The following LRRC4C variants were observed in gnomAD, a reference collection of about 807,000 sequenced individuals.
LRRC4C encodes leucine rich repeat containing 4C, also known as leucine-rich repeat-containing protein 4C.
In LRRC4C, 5 loss-of-function variants were observed where a neutral mutation model predicts 33.6. That is an observed-to-expected ratio of 0.15 (90% CI 0.08 to 0.31). The LOEUF (loss-of-function observed/expected upper bound fraction) is 0.31, where lower values mean the gene tolerates loss of function less well. LRRC4C is among the 10% of genes least tolerant of loss of function. The pLI, the probability that LRRC4C is intolerant of heterozygous loss-of-function variation, is 1.00. For missense variants in LRRC4C, 560 were observed against 796.7 expected, an observed-to-expected ratio of 0.70 and a Z score of 3.58; for synonymous variants, 329 against 302.0, an observed-to-expected ratio of 1.09 and a Z score of -0.93.
In LRRC4C at chr11:41,331,835, A is replaced by G. The variant is rs145079395; in HGVS notation, c.-496+127596T>C. Among the ~76,000 whole-genome samples, 6 of 152,312 alleles carry G rather than the reference A, an allele frequency of 3.9e-5. No homozygotes were observed. In the East Asian group the frequency reaches 1.2e-3, roughly 29 times the overall value. The stretch of plus-strand genomic sequence containing the variant: ...CAAAAAAGAAGGGACATCTTTGCTA[A>G]CACACTTAAATGTACCACACGTGCT... On this transcript the variant is annotated intron_variant, in intron 1 of 6. Transcript: ENST00000528697.
intron 2 of LRRC4C, among the ~76,000 whole-genome samples, chr11:40,896,698 T>C (rs1001872212): frequency 6.6e-6 from 1 of 151,930 alleles, no homozygotes; most frequent in African/African-American, 2.4e-5. Context: ...TATGTATATA[T>C]TAATACAGCT....
At chr11:40,466,368 C>T (rs2138238388) in intron 3 of LRRC4C, among the ~76,000 whole-genome samples, 1 of 151,912 alleles carries the variant, frequency 6.6e-6, no homozygotes, top group Middle Eastern at 3.4e-3. Context: ...GACCATGATG[C>T]AATATATCAA....
chr11:40,745,198 C>A (rs540209519), intron 2 of LRRC4C, among the ~76,000 whole-genome samples: 48 of 152,210 alleles, frequency 3.2e-4, no homozygotes, highest in African/African-American at 1.1e-3. Context: ...ACGGATTATT[C>A]TTTTTCAGCC....
chr11:40,909,450 C>G (rs2136249436), intron 2 of LRRC4C, among the ~76,000 whole-genome samples: 1 of 152,022 alleles, frequency 6.6e-6, no homozygotes, highest in South Asian at 2.1e-4. Flanking sequence ...AAGAAACATA[C>G]AAAAACAAGC....
At chr11:40,333,110 T>G (rs2136949306) in intron 3 of LRRC4C, among the ~76,000 whole-genome samples, 1 of 152,254 alleles carries the variant, frequency 6.6e-6, no homozygotes, top group East Asian at 1.9e-4. Context: ...AAAAATAGCA[T>G]AGAGAGTGAA....
At chr11:40,732,999 T>C (rs1947670156) in intron 2 of LRRC4C, among the ~76,000 whole-genome samples, 1 of 150,786 alleles carries the variant, frequency 6.6e-6, no homozygotes, top group South Asian at 2.1e-4. Context: ...CCACATCTAG[T>C]AACTACCATC....
chr11:41,194,365 G>T (rs1565468902), intron 1 of LRRC4C, among the ~76,000 whole-genome samples: 1 of 152,154 alleles, frequency 6.6e-6, no homozygotes, highest in South Asian at 2.1e-4. Context: ...TGAGTATAGA[G>T]ACATAAAACT....
At chr11:40,516,259 T>TA (rs894328524) in intron 3 of LRRC4C, among the ~76,000 whole-genome samples, 29 of 152,082 alleles carry the variant, frequency 1.9e-4, no homozygotes, top group African/African-American at 7.0e-4. Flanking sequence ...AAATTTCAGT[T>TA]AAAAAATTTA....
chr11:40,637,394 AAGTAT>A (rs1331571322), intron 3 of LRRC4C, among the ~76,000 whole-genome samples: 4 of 152,214 alleles, frequency 2.6e-5, no homozygotes, highest in African/African-American at 9.7e-5. Flanking sequence ...AATTAAAACT[AAGTAT>A]AGAAATAAAC....
chr11:41,140,966 T>G (rs1380392110), intron 1 of LRRC4C, among the ~76,000 whole-genome samples: 1 of 152,126 alleles, frequency 6.6e-6, no homozygotes, highest in Non-Finnish European at 1.5e-5. Context: ...CTGGAAATAA[T>G]ACATATTTTT....
rs146624921 is a variant in LRRC4C at position 40,329,889 on chromosome 11, T to C, written c.-269-10168A>G. Among the ~76,000 whole-genome samples, 1,126 of 151,880 alleles carry C rather than the reference T, an allele frequency of 7.4e-3. 9 individuals carry two copies. The highest frequency in any genetic ancestry group is 0.026 in the African/African-American group (1,057 of 41,426). On this transcript the variant is annotated intron_variant, in intron 3 of 6. Coordinates refer to ENST00000528697, the MANE Select transcript of LRRC4C (RefSeq NM_001258419.2). Reference sequence around the variant, plus strand: ...CTCGAGTAGCTGCGACTACAGGCATTTGCCAACACACCCGGCTAATTTTTT... The same window carrying C: ...CTCGAGTAGCTGCGACTACAGGCATCTGCCAACACACCCGGCTAATTTTTT...
At chr11:40,922,945 C>T (rs1038073579) in intron 2 of LRRC4C, among the ~76,000 whole-genome samples, 1 of 152,154 alleles carries the variant, frequency 6.6e-6, no homozygotes, top group African/African-American at 2.4e-5. Context: ...ATGCCTCAAC[C>T]TCCCAAGTAG....
intron 6 of LRRC4C, among the ~76,000 whole-genome samples, chr11:40,117,322 A>ATG (rs1264759886): frequency 6.6e-5 from 10 of 152,358 alleles, no homozygotes; most frequent in Admixed American, 5.9e-4. Context: ...TGACATGCAC[A>ATG]TGTATATATA....
At chr11:41,403,705 A>G (rs1954111442) in intron 1 of LRRC4C, among the ~76,000 whole-genome samples, 1 of 152,080 alleles carries the variant, frequency 6.6e-6, no homozygotes. Flanking sequence ...TTTCTACAAC[A>G]TGGAAATTAA....
At chr11:40,255,107 A>C (rs1867100033) in intron 4 of LRRC4C, among the ~76,000 whole-genome samples, 1 of 152,128 alleles carries the variant, frequency 6.6e-6, no homozygotes, top group Non-Finnish European at 1.5e-5. Flanking sequence ...GGCCCTAAAA[A>C]TGAGTAAATT....
At position 41,189,799 on chromosome 11, in the gene LRRC4C, A is replaced by G. The variant is rs533204416; in HGVS notation, c.-495-256076T>C. Among the ~76,000 whole-genome samples, 15 of 152,282 alleles carry G rather than the reference A, an allele frequency of 9.9e-5. No homozygotes were observed. In the East Asian group the frequency reaches 1.4e-3, roughly 14 times the overall value. ...AACTAGGAAATAAACTACAGGGATA[A>G]TGCTTTTTACTCAAGCAGTGATCTA... On this transcript the variant is annotated intron_variant, in intron 1 of 6. Coordinates refer to ENST00000528697, the MANE Select transcript of LRRC4C (RefSeq NM_001258419.2).
rs1057044612 is a variant in LRRC4C, at chr11:41,214,760, T to A, written c.-496+244671A>T. 1.8e-4 allele frequency among the ~76,000 whole-genome samples: 25 copies of A among 140,686 alleles called. No homozygotes were observed. In the East Asian group the frequency reaches 3.5e-3, roughly 20 times the overall value. 92.3% of individuals were successfully genotyped at this position (140,686 alleles called of 152,430 possible). On this transcript the variant is annotated intron_variant, in intron 1 of 6. Transcript: ENST00000528697. ...GCCAGACTCCATCTCAAAAATAAAA[T>A]ATATATATATATATACACACATATA...
At chr11:41,295,851 T>A (rs1950126695) in intron 1 of LRRC4C, among the ~76,000 whole-genome samples, 1 of 152,250 alleles carries the variant, frequency 6.6e-6, no homozygotes, top group East Asian at 1.9e-4. Context: ...CATTTAGACA[T>A]CTATTGGCAA....
intron 3 of LRRC4C, among the ~76,000 whole-genome samples, chr11:40,435,274 C>T (rs548877394): frequency 2.0e-5 from 3 of 152,332 alleles, no homozygotes; most frequent in Non-Finnish European, 4.4e-5. Flanking sequence ...AGTGCCGAGG[C>T]AGACATTACC....
Sources: gnomAD v4.1 joint callset for allele counts (sites outside exome capture counted in the v4.1 genomes callset) on GRCh38, gnomAD v4.1.1 for gene constraint, MANE v1.5 for transcripts, NCBI Gene and HGNC (gene_info 2026-07-23, HGNC 2026-07-21) for gene names.